Variants in CEP128 observed in about 807,000 individuals in gnomAD.
CEP128 encodes the protein centrosomal protein 128kDa.
A neutral mutation model predicts 156.7 loss-of-function variants in CEP128; 132 were observed. That is an observed-to-expected ratio of 0.84 (90% CI 0.73 to 0.97). The LOEUF (loss-of-function observed/expected upper bound fraction) is 0.97, where lower values mean the gene tolerates loss of function less well. Among genes scored for constraint, CEP128 ranks in the 50% least tolerant of loss-of-function variants. The pLI is 0.00. For missense variants in CEP128, 1,252 were observed against 1,281.9 expected (o/e 0.98, Z 0.36); for synonymous variants, 469 against 448.9 (o/e 1.04, Z -0.57).
chr14:80,915,855 C>T (rs1884518112), intron 3 of CEP128, among the ~76,000 whole-genome samples: 1 of 152,320 alleles, frequency 6.6e-6, no homozygotes, highest in South Asian at 2.1e-4. Context: ...CTGTCATAGG[C>T]AGAATAATGG....
intron 19 of CEP128, among the ~76,000 whole-genome samples, chr14:80,708,155 A>T (rs1293257871): frequency 6.6e-6 from 1 of 152,014 alleles, no homozygotes; most frequent in African/African-American, 2.4e-5. Flanking sequence ...AGTATTTGCT[A>T]TTAAAGATAG....
intron 21 of CEP128, among the ~76,000 whole-genome samples, chr14:80,555,125 A>G (rs955474512): frequency 3.3e-5 from 5 of 151,934 alleles, no homozygotes; most frequent in African/African-American, 9.7e-5. Flanking sequence ...GACTCCTCTT[A>G]CTCTCTCAAA....
At chr14:80,524,673 A>G (rs1184530368) in intron 23 of CEP128, among the ~76,000 whole-genome samples, 1 of 152,194 alleles carries the variant, frequency 6.6e-6, no homozygotes, top group Non-Finnish European at 1.5e-5. Flanking sequence ...AAAATGTTAT[A>G]TTCCTGTGAG....
At chr14:80,871,642 A>G (rs1888033147) in intron 8 of CEP128, among the ~76,000 whole-genome samples, 1 of 152,174 alleles carries the variant, frequency 6.6e-6, no homozygotes, top group African/African-American at 2.4e-5. Flanking sequence ...TAAAGAAAGT[A>G]TATTTTAGAA....
intron 24 of CEP128, among the ~76,000 whole-genome samples, chr14:80,498,798 G>A (rs1344013696): frequency 6.6e-6 from 1 of 152,120 alleles, no homozygotes; most frequent in East Asian, 1.9e-4. Context: ...GTTCACTGCT[G>A]TATACTCCAG....
Position 80,568,536 on chromosome 14 carries a change from T to C in CEP128, c.2857-9234A>G, listed in dbSNP as rs138957741. On this transcript the variant is annotated intron_variant, in intron 20 of 24. Coordinates refer to ENST00000555265, the MANE Select transcript of CEP128 (RefSeq NM_152446.5). ...TCTTTCTGTGTGCTTCTGTGTTCAG[T>C]TACCCCTCAGCATTCTACACTAGAG... is the stretch of plus-strand genomic sequence containing the variant. Among the ~76,000 whole-genome samples, 1,023 of 152,180 alleles carry C rather than the reference T, an allele frequency of 6.7e-3. 3 individuals are homozygous for C. The highest frequency in any genetic ancestry group is 0.011 in the Non-Finnish European group (740 of 67,994).
chr14:80,886,246 C>T (rs1888792744), intron 8 of CEP128, among the ~76,000 whole-genome samples: 1 of 152,144 alleles, frequency 6.6e-6, no homozygotes, highest in South Asian at 2.1e-4. Flanking sequence ...CCTAGCAAGA[C>T]AGGCCAACAT....
intron 13 of CEP128, chr14:80,830,628 C>T (rs1479044487): frequency 2.3e-5 from 4 of 172,984 alleles, no homozygotes; most frequent in Non-Finnish European, 3.7e-5. Flanking sequence ...ACTCCATTCA[C>T]GGTTACCATA....
intron 21 of CEP128, among the ~76,000 whole-genome samples, chr14:80,540,043 C>G (rs988541755): frequency 1.3e-5 from 2 of 152,066 alleles, no homozygotes; most frequent in Non-Finnish European, 2.9e-5. Context: ...ATACATGCAC[C>G]GTGCACCGCT....
chr14:80,897,566 G>A lies in CEP128; in HGVS notation c.573-1776C>T, dbSNP rs1889400309. On this transcript the variant is annotated intron_variant, in intron 7 of 24. Coordinates refer to ENST00000555265, the MANE Select transcript of CEP128 (RefSeq NM_152446.5). ...AAACCAGTCTTCCATATCTCAGGAA[G>A]TGGAATTACCATCTACCTAGTTATT... Among the ~76,000 whole-genome samples the A allele has an allele frequency of 2.0e-5, 3 of 152,122 alleles. No individual in the cohort carries two copies. In the South Asian group the frequency reaches 6.2e-4, roughly 31 times the overall value.
At position 80,511,401 on chromosome 14, in the gene CEP128, C is replaced by T. The variant is rs372361473; in HGVS notation, c.3073-6381G>A. ...TTTCCTATTTATTGGCATATAATTACTCATTGAAGTCTCTGATGATCCTCT... is the reference window on the plus strand; with the variant it reads ...TTTCCTATTTATTGGCATATAATTATTCATTGAAGTCTCTGATGATCCTCT... On this transcript the variant is annotated intron_variant, in intron 23 of 24. Coordinates refer to ENST00000555265, the MANE Select transcript of CEP128 (RefSeq NM_152446.5). Among the ~76,000 whole-genome samples the T allele has an allele frequency of 5.9e-5, 9 of 152,054 alleles. No individual in the cohort carries two copies. In the East Asian group the frequency reaches 1.4e-3, roughly 23 times the overall value.
intron 13 of CEP128, among the ~76,000 whole-genome samples, chr14:80,813,920 T>G (rs1453125754): frequency 6.6e-6 from 1 of 152,238 alleles, no homozygotes; most frequent in Non-Finnish European, 1.5e-5. Context: ...TGAAATTCAA[T>G]TAATCAATTT....
intron 19 of CEP128, among the ~76,000 whole-genome samples, chr14:80,599,496 C>T (rs903510766): frequency 3.3e-5 from 5 of 151,840 alleles, no homozygotes; most frequent in African/African-American, 4.8e-5. Context: ...AGGATGGTCT[C>T]AATCTCCTGA....
chr14:80,729,606 G>A (rs77203626), intron 19 of CEP128, among the ~76,000 whole-genome samples: 4 of 152,144 alleles, frequency 2.6e-5, no homozygotes, highest in South Asian at 2.1e-4. Context: ...GGGAATATCC[G>A]TATTGTTTTT....
intron 13 of CEP128, among the ~76,000 whole-genome samples, chr14:80,827,165 A>T (rs189927982): frequency 6.6e-6 from 1 of 152,244 alleles, no homozygotes; most frequent in East Asian, 1.9e-4. Context: ...GGTCCCCTTA[A>T]ATACTGACAA....
intron 19 of CEP128, among the ~76,000 whole-genome samples, chr14:80,667,401 G>A (rs1016533579): frequency 1.3e-5 from 2 of 152,020 alleles, no homozygotes; most frequent in Admixed American, 1.3e-4. Context: ...TAGAAATGTG[G>A]GATAGAAGTA....
At chr14:80,893,951 T>C (rs1385715517) in intron 8 of CEP128, among the ~76,000 whole-genome samples, 1 of 151,834 alleles carries the variant, frequency 6.6e-6, no homozygotes, top group Non-Finnish European at 1.5e-5. Flanking sequence ...TGGAAGTTAA[T>C]CAATTAAACA....
At chr14:80,788,058 T>C (rs935520466) in intron 14 of CEP128, among the ~76,000 whole-genome samples, 3 of 152,132 alleles carry the variant, frequency 2.0e-5, no homozygotes, top group African/African-American at 7.2e-5. Flanking sequence ...TGGAATTTCT[T>C]TGGCAATACA....
chr14:80,938,406 C>T (rs1346192964), intron 2 of CEP128, among the ~76,000 whole-genome samples: 6 of 151,940 alleles, frequency 3.9e-5, no homozygotes, highest in Admixed American at 3.9e-4. Context: ...GCCACCACGC[C>T]TGGTAATTTT....
Sources: gnomAD v4.1 joint callset for allele counts (sites outside exome capture counted in the v4.1 genomes callset) on GRCh38, gnomAD v4.1.1 for gene constraint, MANE v1.5 for transcripts, NCBI Gene and HGNC (gene_info 2026-07-23, HGNC 2026-07-21) for gene names.